LCMT1: variants seen among roughly 807,000 people sequenced by gnomAD.
LCMT1 encodes [Phosphatase 2A protein]-leucine-carboxy methyltransferase 1.
A neutral mutation model predicts 47.7 loss-of-function variants in LCMT1; 32 were observed. The ratio of observed to expected loss-of-function variants is 0.67; its 90% CI spans 0.51 to 0.90. LCMT1 has a LOEUF of 0.90. LCMT1 is among the 40% of genes least tolerant of loss of function. LCMT1 has a pLI of 0.00. For missense variants in LCMT1, 375 were observed against 415.2 expected (o/e 0.90, Z 0.84); for synonymous variants, 152 against 149.7 (o/e 1.02, Z -0.11).
At chr16:25,112,748 G>A (rs1959662417) in intron 1 of LCMT1, among the ~76,000 whole-genome samples, 1 of 152,170 alleles carries the variant, frequency 6.6e-6, no homozygotes, top group South Asian at 2.1e-4. Context: ...GAGACAGGAA[G>A]CAAATAATTA....
chr16:25,115,821 G>A (rs1055289850), intron 1 of LCMT1, among the ~76,000 whole-genome samples: 5 of 152,122 alleles, frequency 3.3e-5, no homozygotes, highest in Non-Finnish European at 7.3e-5. Flanking sequence ...GGGACTACAG[G>A]TGCCTGCCAC....
intron 6 of LCMT1, among the ~76,000 whole-genome samples, chr16:25,164,328 C>A (rs1296296786): frequency 6.6e-6 from 1 of 152,134 alleles, no homozygotes; most frequent in Non-Finnish European, 1.5e-5. Flanking sequence ...CAGGGGAGAA[C>A]TTGAAACCAT....
At chr16:25,135,439 C>A (rs1960477232) in intron 3 of LCMT1, among the ~76,000 whole-genome samples, 1 of 152,166 alleles carries the variant, frequency 6.6e-6, no homozygotes, top group African/African-American at 2.4e-5. Flanking sequence ...TATTGTGCTT[C>A]AGCAGCCATA....
intron 2 of LCMT1, among the ~76,000 whole-genome samples, chr16:25,130,508 AG>A (rs1960319397): frequency 6.7e-6 from 1 of 150,110 alleles, no homozygotes; most frequent in African/African-American, 2.5e-5. Flanking sequence ...AAAATTAGCC[AG>A]GTGTGGTGGC....
intron 1 of LCMT1, among the ~76,000 whole-genome samples, chr16:25,120,830 G>A (rs1181866218): frequency 6.8e-6 from 1 of 147,226 alleles, no homozygotes; most frequent in African/African-American, 2.5e-5. Flanking sequence ...TTACTGCAGC[G>A]TTTACCTCCC....
intron 5 of LCMT1, among the ~76,000 whole-genome samples, chr16:25,153,065 C>T (rs1185374102): frequency 6.6e-6 from 1 of 152,120 alleles, no homozygotes; most frequent in Non-Finnish European, 1.5e-5. Flanking sequence ...TTTATTACAA[C>T]AAGCAGGGAC....
At chr16:25,119,279 C>G (rs1430632398) in intron 1 of LCMT1, among the ~76,000 whole-genome samples, 2 of 151,912 alleles carry the variant, frequency 1.3e-5, no homozygotes, top group Non-Finnish European at 2.9e-5. Context: ...CAGACAAGAT[C>G]TAGCTTCTGT....
intron 4 of LCMT1, chr16:25,144,462 T>C (rs1960789637): frequency 6.6e-6 from 1 of 152,434 alleles, no homozygotes; most frequent in Non-Finnish European, 1.5e-5. Context: ...AAGAGGCTTA[T>C]CTCACAAGCT....
chr16:25,173,607 G>T (rs761649545), intron 9 of LCMT1, among the ~76,000 whole-genome samples: 11 of 152,226 alleles, frequency 7.2e-5, no homozygotes, highest in Non-Finnish European at 1.5e-4. Context: ...ATTGTGAATA[G>T]TAGGAATATG....
chr16:25,147,958 A>T (rs899563255), intron 4 of LCMT1: 4 of 152,168 alleles, frequency 2.6e-5, no homozygotes, highest in African/African-American at 9.7e-5. Context: ...TTTAGAAATG[A>T]TACATCCCAG....
At chr16:25,139,285 G>A (rs980296489) in intron 3 of LCMT1, among the ~76,000 whole-genome samples, 5 of 152,186 alleles carry the variant, frequency 3.3e-5, no homozygotes, top group Non-Finnish European at 7.3e-5. Context: ...GCATGTAAGT[G>A]GTGGAGCTGG....
At chr16:25,122,434 G>C (rs9938338) in intron 1 of LCMT1, among the ~76,000 whole-genome samples, 1 of 151,958 alleles carries the variant, frequency 6.6e-6, no homozygotes, top group East Asian at 1.9e-4. Flanking sequence ...TCACCCTCCC[G>C]AGTAGCTGGA....
intron 3 of LCMT1, among the ~76,000 whole-genome samples, chr16:25,135,515 A>G (rs1166810794): frequency 2.0e-5 from 3 of 152,306 alleles, no homozygotes; most frequent in South Asian, 4.1e-4. Flanking sequence ...AGGCTAAAAT[A>G]TTTACTTTCT....
At chr16:25,155,905 C>T (rs887452274) in intron 5 of LCMT1, among the ~76,000 whole-genome samples, 3 of 152,178 alleles carry the variant, frequency 2.0e-5, no homozygotes, top group African/African-American at 4.8e-5. Context: ...TGGTCTCAAA[C>T]TCCTGGGGTC....
chr16:25,169,510 T>C (rs1330683949), intron 8 of LCMT1: 1 of 239,562 alleles, frequency 4.2e-6, no homozygotes, highest in Non-Finnish European at 8.3e-6. Context: ...AACTTCAGTA[T>C]TTCTTATATT....
At chr16:25,127,017 A>G (rs550447058) in intron 1 of LCMT1, among the ~76,000 whole-genome samples, 3 of 152,208 alleles carry the variant, frequency 2.0e-5, no homozygotes, top group East Asian at 1.9e-4. Context: ...CAAACTGCCA[A>G]CCACACAGAG....
At chr16:25,145,532 T>G (rs1434793010) in intron 4 of LCMT1, 1 of 152,130 alleles carries the variant, frequency 6.6e-6, no homozygotes, top group African/African-American at 2.4e-5. Flanking sequence ...TGAAGTGTAG[T>G]AGAGTGAAAA....
chr16:25,166,309 C>T (rs1188813862), intron 7 of LCMT1, among the ~76,000 whole-genome samples: 1 of 151,696 alleles, frequency 6.6e-6, no homozygotes, highest in East Asian at 1.9e-4. Flanking sequence ...ACCCACTCTC[C>T]AGATTATTAT....
At chr16:25,132,630 C>A in intron 3 of LCMT1, 107 bp downstream of exon 3, 1 of 1,227,222 alleles carries the variant, frequency 8.1e-7, no homozygotes, top group Non-Finnish European at 1.1e-6. Flanking sequence ...CAGCGAAAGC[C>A]TGTCTCCCAC....
Sources: allele counts gnomAD v4.1 joint callset (sites outside exome capture counted in the v4.1 genomes callset), GRCh38; gene constraint gnomAD v4.1.1; transcripts MANE v1.5; gene names NCBI Gene and HGNC (gene_info 2026-07-23, HGNC 2026-07-21).